Variants in ARHGAP24 observed in about 807,000 individuals in gnomAD.
ARHGAP24 encodes Rho GTPase activating protein 24, also known as rho GTPase-activating protein 24.
A neutral mutation model predicts 76.4 loss-of-function variants in ARHGAP24; 50 were observed. That is an observed-to-expected ratio of 0.65 (90% CI 0.52 to 0.83). The LOEUF is 0.83. Among genes scored for constraint, ARHGAP24 ranks in the 40% least tolerant of loss-of-function variants. The pLI, the probability that ARHGAP24 is intolerant of heterozygous loss-of-function variation, is 0.00. For missense variants in ARHGAP24, 930 were observed against 914.2 expected (o/e 1.02, Z -0.22); for synonymous variants, 345 against 323.3 (o/e 1.07, Z -0.72).
At chr4:85,745,544 T>C (rs1725998885) in intron 3 of ARHGAP24, among the ~76,000 whole-genome samples, 1 of 149,546 alleles carries the variant, frequency 6.7e-6, no homozygotes, top group Non-Finnish European at 1.5e-5. Context: ...TGAGCTGTGC[T>C]TACACAACTG....
At chr4:85,896,046 T>C (rs1734161791) in intron 3 of ARHGAP24, among the ~76,000 whole-genome samples, 1 of 152,212 alleles carries the variant, frequency 6.6e-6, no homozygotes, top group Non-Finnish European at 1.5e-5. Flanking sequence ...AATTACTTTA[T>C]TGAAACAAAA....
chr4:85,593,268 A>T (rs1411963004), intron 2 of ARHGAP24, among the ~76,000 whole-genome samples: 1 of 152,044 alleles, frequency 6.6e-6, no homozygotes, highest in Admixed American at 6.6e-5. Flanking sequence ...GGAAATGCCT[A>T]TTCAGGTATT....
intron 4 of ARHGAP24, chr4:85,930,165 G>T: frequency 3.6e-6 from 3 of 830,766 alleles, no homozygotes; most frequent in Non-Finnish European, 4.4e-6. Context: ...AAGGGGAGAC[G>T]GAGCAGGAGG....
intron 2 of ARHGAP24, among the ~76,000 whole-genome samples, chr4:85,667,146 T>C (rs1490366549): frequency 6.6e-6 from 1 of 152,190 alleles, no homozygotes; most frequent in Non-Finnish European, 1.5e-5. Context: ...TGTGGTGGGC[T>C]CCACCCAGTT....
At chr4:85,901,400 A>AT (rs1734484336) in intron 3 of ARHGAP24, among the ~76,000 whole-genome samples, 1 of 152,188 alleles carries the variant, frequency 6.6e-6, no homozygotes, top group South Asian at 2.1e-4. Context: ...AAAAAAAAAA[A>AT]ACTGACAAAA....
At chr4:85,481,943 C>A (rs181432695) in intron 1 of ARHGAP24, among the ~76,000 whole-genome samples, 2 of 152,106 alleles carry the variant, frequency 1.3e-5, no homozygotes, top group Non-Finnish European at 2.9e-5. Context: ...CAGAGAAGGG[C>A]AATTATTAGA....
Position 85,879,225 on chromosome 4 carries a change from G to A in ARHGAP24, c.269-44423G>A, listed in dbSNP as rs1217669817. ...TGTAGTGAGCAAAATTGTGTTCCAT[G>A]AACATATCAGTTATATTACATGAAT... is the stretch of plus-strand genomic sequence containing the variant. On this transcript the variant is annotated intron_variant, in intron 3 of 9. Transcript: ENST00000395184. Among the ~76,000 whole-genome samples, 4 of 152,102 alleles carry A rather than the reference G, an allele frequency of 2.6e-5. No individual in the cohort carries two copies. In the East Asian group the frequency reaches 7.7e-4, roughly 29 times the overall value.
Position 85,682,029 on chromosome 4 carries a change from G to A in ARHGAP24, c.181-39856G>A, listed in dbSNP as rs1362461210. Reference sequence around the variant, plus strand: ...AAGTTAAGACACTTGCCCGAGATCAGGACATAGTATAGAGCATAATTTAAA... The same window carrying A: ...AAGTTAAGACACTTGCCCGAGATCAAGACATAGTATAGAGCATAATTTAAA... On this transcript the variant is annotated intron_variant, in intron 2 of 9. Coordinates refer to ENST00000395184, the MANE Select transcript of ARHGAP24 (RefSeq NM_001025616.3). 6.5e-5 allele frequency among the ~76,000 whole-genome samples: 8 copies of A among 123,634 alleles called. 1 individual carries two copies. Among genetic ancestry groups the A allele is most frequent in the Admixed American group, 5.5e-4 (7 of 12,674 alleles). The allele number at this position is 123,634 out of a possible 152,430, so 81.1% of individuals were successfully genotyped here. A position where few individuals can be genotyped will look rare whatever the true frequency, so the allele number is the denominator to read the frequency against.
chr4:85,879,854 A>G (rs933882603), intron 3 of ARHGAP24, among the ~76,000 whole-genome samples: 6 of 152,114 alleles, frequency 3.9e-5, no homozygotes, highest in Non-Finnish European at 7.4e-5. Context: ...CATAGATTGC[A>G]GGGAGAGGCG....
intron 2 of ARHGAP24, among the ~76,000 whole-genome samples, chr4:85,696,279 GT>G (rs1723862802): frequency 2.6e-5 from 4 of 151,890 alleles, no homozygotes; most frequent in Non-Finnish European, 5.9e-5. Flanking sequence ...TTAAAAGTGA[GT>G]TCTAAAATGC....
chr4:85,818,457 A>G (rs573841148), intron 3 of ARHGAP24, among the ~76,000 whole-genome samples: 1 of 152,324 alleles, frequency 6.6e-6, no homozygotes, highest in African/African-American at 2.4e-5. Context: ...TTTTTTCTTC[A>G]GAAACGTGGT....
chr4:85,806,508 C>A (rs998525394), intron 3 of ARHGAP24, among the ~76,000 whole-genome samples: 4 of 152,146 alleles, frequency 2.6e-5, no homozygotes, highest in Non-Finnish European at 4.4e-5. Flanking sequence ...CTTTAGAAAG[C>A]AGTCTGCACA....
chr4:85,947,765 A>G (rs1370970152), intron 5 of ARHGAP24, among the ~76,000 whole-genome samples: 2 of 152,264 alleles, frequency 1.3e-5, no homozygotes. Context: ...GTGTAACAGT[A>G]AAAACTGAAC....
At chr4:85,601,799 G>C (rs931561147) in intron 2 of ARHGAP24, among the ~76,000 whole-genome samples, 2 of 152,038 alleles carry the variant, frequency 1.3e-5, no homozygotes, top group Non-Finnish European at 2.9e-5. Context: ...TAACTTCCCT[G>C]TGATGATTTT....
intron 3 of ARHGAP24, among the ~76,000 whole-genome samples, chr4:85,852,704 C>T (rs1226853487): frequency 6.6e-6 from 1 of 152,204 alleles, no homozygotes; most frequent in East Asian, 1.9e-4. Flanking sequence ...TTCTAACAGT[C>T]AGGTCCCTCA....
intron 3 of ARHGAP24, among the ~76,000 whole-genome samples, chr4:85,778,254 G>A (rs1342534346): frequency 2.0e-5 from 3 of 152,266 alleles, no homozygotes; most frequent in South Asian, 4.1e-4. Flanking sequence ...GGAGATTAAA[G>A]GGAAAGTTTC....
intron 2 of ARHGAP24, among the ~76,000 whole-genome samples, chr4:85,679,102 A>G (rs899011091): frequency 2.6e-5 from 4 of 152,222 alleles, no homozygotes; most frequent in Non-Finnish European, 4.4e-5. Flanking sequence ...GGGAGCTTAG[A>G]GCATGGCAAG....
chr4:85,838,382 G>T (rs1433037582), intron 3 of ARHGAP24, among the ~76,000 whole-genome samples: 1 of 152,218 alleles, frequency 6.6e-6, no homozygotes, highest in African/African-American at 2.4e-5. Context: ...CAGATCACGA[G>T]GTCAGGGGAT....
chr4:85,514,964 A>G (rs932181160), intron 1 of ARHGAP24, among the ~76,000 whole-genome samples: 2 of 152,122 alleles, frequency 1.3e-5, no homozygotes, highest in African/African-American at 4.8e-5. Context: ...CAGAAGCCAG[A>G]TAGGGAAGGA....
Sources: gnomAD v4.1 joint callset for allele counts (sites outside exome capture counted in the v4.1 genomes callset) on GRCh38, gnomAD v4.1.1 for gene constraint, MANE v1.5 for transcripts, NCBI Gene and HGNC (gene_info 2026-07-23, HGNC 2026-07-21) for gene names.